MREG: variants seen among roughly 807,000 people sequenced by gnomAD.
MREG encodes the protein dilute suppressor protein homolog.
In MREG, 31 loss-of-function variants were observed where a neutral mutation model predicts 28.5. That is an observed-to-expected ratio of 1.09 (90% confidence interval 0.82 to 1.47). MREG has a LOEUF of 1.47. MREG is among the 40% of genes most tolerant of loss of function. The pLI, the probability that MREG is intolerant of heterozygous loss-of-function variation, is 0.00. For synonymous variants in MREG, 106 were observed against 95.2 expected (o/e 1.11, Z -0.66); for missense variants, 256 against 257.4 (o/e 0.99, Z 0.04).
chr2:215,992,606 AAG>A (rs1186284959), intron 2 of MREG, among the ~76,000 whole-genome samples: 1 of 152,202 alleles, frequency 6.6e-6, no homozygotes, highest in East Asian at 1.9e-4. Context: ...TTCAAATAGG[AAG>A]AGAGGAAGTC....
At chr2:215,961,317 G>A (rs1692781419) in intron 2 of MREG, among the ~76,000 whole-genome samples, 1 of 152,166 alleles carries the variant, frequency 6.6e-6, no homozygotes, top group African/African-American at 2.4e-5. Flanking sequence ...CTTTTTGGCT[G>A]GGCAGGTCAA....
At chr2:216,027,602 A>C (rs1457280854) in intron 1 of MREG, among the ~76,000 whole-genome samples, 1 of 152,208 alleles carries the variant, frequency 6.6e-6, no homozygotes, top group East Asian at 1.9e-4. Flanking sequence ...TTGAGGCATG[A>C]GAGTCACTTG....
chr2:215,942,126 G>A (rs1692204802), downstream of MREG, among the ~76,000 whole-genome samples: 1 of 152,148 alleles, frequency 6.6e-6, no homozygotes, highest in Non-Finnish European at 1.5e-5. Context: ...AAAACCAGGT[G>A]TTTGATCTAC....
intron 2 of MREG, among the ~76,000 whole-genome samples, chr2:215,959,196 G>C (rs1341419769): frequency 6.6e-6 from 1 of 151,824 alleles, no homozygotes; most frequent in Non-Finnish European, 1.5e-5. Flanking sequence ...AATTTCTCTT[G>C]TCATTACTTC....
At position 216,013,388 on chromosome 2, in the gene MREG, C is replaced by T; in HGVS notation, c.-61G>A. 7.4e-7 allele frequency: 1 copy of T among 1,348,292 alleles called. No homozygotes were observed. Among genetic ancestry groups the T allele is most frequent in the South Asian group, 1.5e-5 (1 of 66,828 alleles). 83.5% of individuals were successfully genotyped at this position (1,348,292 alleles called of 1,614,324 possible). A position where few individuals can be genotyped will look rare whatever the true frequency, so the allele number is the denominator to read the frequency against. ...GGGCCGAGTCGCCGCGGCGAGCGAT[C>T]GAGGCTGGGGCGCGGCCACCGCGCC... On this transcript the variant is annotated 5_prime_UTR_variant, in exon 1 of 5. Coordinates refer to ENST00000263268, the MANE Select transcript of MREG (RefSeq NM_018000.3).
intron 1 of MREG, among the ~76,000 whole-genome samples, chr2:216,005,932 A>G (rs1694143593): frequency 6.6e-6 from 1 of 152,132 alleles, no homozygotes; most frequent in Non-Finnish European, 1.5e-5. Flanking sequence ...TATGTCACCA[A>G]AATTATTTCC....
chr2:215,952,223 T>G (rs1045335986), intron 2 of MREG, among the ~76,000 whole-genome samples: 8 of 152,216 alleles, frequency 5.3e-5, no homozygotes, highest in Non-Finnish European at 1.2e-4. Context: ...CATGCTGCAA[T>G]GAACATGGGG....
chr2:216,022,776 G>A (rs1315224970), intron 1 of MREG, among the ~76,000 whole-genome samples: 1 of 152,188 alleles, frequency 6.6e-6, no homozygotes, highest in Non-Finnish European at 1.5e-5. Flanking sequence ...TATCATCGGT[G>A]TGCTTCCTAA....
At chr2:215,949,329 G>A (rs937849574) in intron 2 of MREG, among the ~76,000 whole-genome samples, 11 of 151,634 alleles carry the variant, frequency 7.3e-5, no homozygotes, top group Non-Finnish European at 1.6e-4. Flanking sequence ...GGAGGCTGAG[G>A]CGGGTGGATC....
intron 2 of MREG, among the ~76,000 whole-genome samples, chr2:215,995,095 C>A (rs1271105389): frequency 2.0e-5 from 3 of 152,214 alleles, no homozygotes; most frequent in Non-Finnish European, 4.4e-5. Flanking sequence ...TATATGCTCA[C>A]AAAGGGCAGC....
chr2:215,994,216 G>A (rs1250337010), intron 2 of MREG, among the ~76,000 whole-genome samples: 2 of 151,980 alleles, frequency 1.3e-5, no homozygotes, highest in East Asian at 3.8e-4. Flanking sequence ...TATACTCCAT[G>A]GAATACTATG....
chr2:216,031,693 G>A (rs868457706), intron 1 of MREG, among the ~76,000 whole-genome samples: 413 of 128,388 alleles, frequency 3.2e-3, no homozygotes, highest in Non-Finnish European at 4.2e-3. Context: ...GAAAGAAAGA[G>A]AAAGAAAGAA....
chr2:215,974,825 GACACAC>G (rs71982102), intron 2 of MREG, among the ~76,000 whole-genome samples: 19,713 of 125,964 alleles, frequency 0.16, 1,597 homozygotes, highest in East Asian at 0.37. Context: ...CACACACACA[GACACAC>G]ACACACACAC....
chr2:215,952,336 C>T (rs959894079), intron 2 of MREG, among the ~76,000 whole-genome samples: 9 of 152,080 alleles, frequency 5.9e-5, no homozygotes, highest in East Asian at 1.9e-4. Flanking sequence ...TTACTGCACA[C>T]GTGAACGCGC....
At chr2:215,964,792 A>T (rs1465181591) in intron 2 of MREG, among the ~76,000 whole-genome samples, 3 of 152,212 alleles carry the variant, frequency 2.0e-5, no homozygotes, top group African/African-American at 7.2e-5. Flanking sequence ...AAAAATGGGC[A>T]AAATCTTTAA....
At chr2:215,997,997 T>G (rs1693914005) in intron 1 of MREG, among the ~76,000 whole-genome samples, 1 of 152,076 alleles carries the variant, frequency 6.6e-6, no homozygotes, top group Non-Finnish European at 1.5e-5. Context: ...AGACTGCCAA[T>G]CACCGCCTCA....
intron 2 of MREG, among the ~76,000 whole-genome samples, chr2:215,950,396 GTC>G (rs891582394): frequency 1.3e-4 from 20 of 152,230 alleles, no homozygotes; most frequent in Middle Eastern, 3.4e-3. Flanking sequence ...CAGTTTCAGT[GTC>G]TGTTACTCTG....
chr2:215,948,890 A>G (rs958153157), intron 2 of MREG, among the ~76,000 whole-genome samples: 1 of 152,088 alleles, frequency 6.6e-6, no homozygotes, highest in Admixed American at 6.6e-5. Context: ...GCTCCTCCAA[A>G]TCAGTGTAGC....
intron 2 of MREG, among the ~76,000 whole-genome samples, chr2:215,949,443 C>T (rs1692427980): frequency 6.6e-6 from 1 of 151,586 alleles, no homozygotes. Flanking sequence ...TGCCTGTGGT[C>T]CCAGCTACTC....
Sources: allele counts gnomAD v4.1 joint callset (sites outside exome capture counted in the v4.1 genomes callset), GRCh38; gene constraint gnomAD v4.1.1; transcripts MANE v1.5; gene names NCBI Gene and HGNC (gene_info 2026-07-23, HGNC 2026-07-21).